The following CEMIP2 variants were observed in gnomAD, a reference collection of about 807,000 sequenced individuals.
CEMIP2 encodes the protein cell migration inducing hyaluronidase 2, also known as cell surface hyaluronidase CEMIP2.
CEMIP2 carries 79 observed loss-of-function variants against 146.9 expected under a neutral mutation model. The observed-to-expected ratio is 0.54, with a 90% confidence interval of 0.45 to 0.65. CEMIP2 has a LOEUF of 0.65. Ranked by LOEUF, CEMIP2 falls within the 30% of genes least tolerant of loss-of-function variation. The pLI is 0.00. For missense variants in CEMIP2, 1,596 were observed against 1,696.2 expected (o/e 0.94, Z 1.04); for synonymous variants, 601 against 606.3 (o/e 0.99, Z 0.13).
At chr9:71,728,354 T>G (rs2131960034) in intron 10 of CEMIP2, among the ~76,000 whole-genome samples, 1 of 132,814 alleles carries the variant, frequency 7.5e-6, no homozygotes, top group Admixed American at 7.8e-5. Flanking sequence ...TGATGGCATG[T>G]GCCTGTAGTA....
intron 19 of CEMIP2, among the ~76,000 whole-genome samples, chr9:71,700,409 T>C (rs1822525485): frequency 6.6e-6 from 1 of 152,188 alleles, no homozygotes; most frequent in Non-Finnish European, 1.5e-5. Flanking sequence ...CAAGGGATAA[T>C]TTCTTTCTCT....
At chr9:71,710,159 C>G (rs1822865840) in intron 16 of CEMIP2, among the ~76,000 whole-genome samples, 1 of 152,238 alleles carries the variant, frequency 6.6e-6, no homozygotes, top group Non-Finnish European at 1.5e-5. Context: ...ACAATTTTCA[C>G]ATCCAGTAGA....
chr9:71,745,207 C>G lies in CEMIP2; in HGVS notation c.845G>C (p.Ser282Thr). 1.2e-6 allele frequency: 2 copies of G among 1,614,158 alleles called. No homozygotes were observed. Among genetic ancestry groups the G allele is most frequent in the Non-Finnish European group, 1.7e-6 (2 of 1,180,022 alleles). Residue 282 changes from serine (S) to threonine (T), a missense_variant, in exon 4 of 24, where the codon AGT (serine) becomes ACT (threonine). Coordinates refer to ENST00000377044, the MANE Select transcript of CEMIP2 (RefSeq NM_013390.3). The part of the protein sequence containing the change: ...IDQDTAKILE[S>T]ERFDTHEYRN... The stretch of plus-strand genomic sequence containing the variant: ...GTATTCATGGGTATCAAATCTCTCA[C>G]TTTCCAAAATTTTGGCCGTGTCTTG...
chr9:71,704,840 GA>G, intron 17 of CEMIP2, 37 bp from the exon 18 acceptor site: 1 of 1,595,618 alleles, frequency 6.3e-7, no homozygotes, highest in Non-Finnish European at 8.6e-7. Flanking sequence ...GGAAGAGAAT[GA>G]AAATTTAAAC....
chr9:71,750,087 G>A lies in CEMIP2; in HGVS notation c.287C>T (p.Ala96Val), dbSNP rs1824201301. The change falls in exon 2 of 24, where the codon GCA becomes GTA. Residue 96 changes from alanine to valine, a missense_variant. Transcript: ENST00000377044. ...FAITSFSFFI[A>V]LAIILGISSK... ...GGATATTCCTAAAATGATTGCAAGT[G>A]CAATAAAAAATGAGAAACTAGTAAT... is the stretch of plus-strand genomic sequence containing the variant. 1.2e-6 allele frequency: 2 copies of A among 1,612,870 alleles called. No individual in the cohort carries two copies. The highest frequency in any genetic ancestry group is 8.5e-7 in the Non-Finnish European group (1 of 1,179,526).
intron 19 of CEMIP2, 85 bp downstream of exon 19, chr9:71,700,557 A>G (rs1178223983): frequency 2.8e-6 from 4 of 1,414,630 alleles, no homozygotes; most frequent in Non-Finnish European, 2.9e-6. Context: ...CTGCTTCACT[A>G]AACAGCCGCG....
chr9:71,754,239 A>G (rs1030019797), intron 1 of CEMIP2, among the ~76,000 whole-genome samples: 6 of 152,224 alleles, frequency 3.9e-5, no homozygotes, highest in African/African-American at 1.4e-4. Context: ...TTTAAAGAAA[A>G]TAAAATAAAT....
Position 71,750,340 on chromosome 9 carries a change from C to G in CEMIP2, c.34G>C (p.Ala12Pro), listed in dbSNP as rs764831667. The change falls in exon 2 of 24, where the codon GCT (alanine) becomes CCT (proline). Residue 12 changes from alanine to proline, a missense_variant. Physicochemically the swap from Ala to Pro is conservative, Grantham distance 27 (BLOSUM62 -1). Transcript: ENST00000377044. ...YATDSRGHSP[A>P]FLQPQNGNSR... The stretch of plus-strand genomic sequence containing the variant: ...TTTCCATTCTGAGGTTGGAGGAAAG[C>G]AGGGGAGTGTCCCCTGGAATCAGTG... The G allele has an allele frequency of 3.1e-6, 5 of 1,613,602 alleles. No homozygotes were observed. The highest frequency in any genetic ancestry group is 4.2e-6 in the Non-Finnish European group (5 of 1,179,846).
intron 22 of CEMIP2, among the ~76,000 whole-genome samples, chr9:71,688,973 T>A (rs1023064949): frequency 6.6e-6 from 1 of 152,162 alleles, no homozygotes; most frequent in Non-Finnish European, 1.5e-5. Flanking sequence ...GAAACAGCAT[T>A]ACCAGTATCT....
chr9:71,755,786 C>T (rs1161187549), intron 1 of CEMIP2, among the ~76,000 whole-genome samples: 1 of 151,210 alleles, frequency 6.6e-6, no homozygotes, highest in Non-Finnish European at 1.5e-5. Context: ...GTGAGTGAGA[C>T]CTTATCTCTA....
intron 19 of CEMIP2, among the ~76,000 whole-genome samples, chr9:71,700,258 G>A (rs777646039): frequency 2.0e-5 from 3 of 152,216 alleles, no homozygotes; most frequent in Non-Finnish European, 4.4e-5. Context: ...AGGTCAACTT[G>A]TAAGATAGCC....
At chr9:71,736,408 T>C (rs1157009007) in intron 5 of CEMIP2, among the ~76,000 whole-genome samples, 1 of 152,196 alleles carries the variant, frequency 6.6e-6, no homozygotes, top group Non-Finnish European at 1.5e-5. Flanking sequence ...CTCTGTCTTG[T>C]TTGTGGTATG....
chr9:71,715,821 T>C (rs1461886531), intron 14 of CEMIP2, among the ~76,000 whole-genome samples: 1 of 151,666 alleles, frequency 6.6e-6, no homozygotes, highest in Non-Finnish European at 1.5e-5. Context: ...AGACAGGGTC[T>C]TGCTATGTTG....
intron 1 of CEMIP2, among the ~76,000 whole-genome samples, chr9:71,756,500 TCTCTCTCA>T (rs748640976): frequency 0.067 from 9,119 of 137,058 alleles, 256 homozygotes; most frequent in African/African-American, 0.11. Flanking sequence ...TCTCTCTCTC[TCTCTCTCA>T]CACACACACA....
Position 71,730,127 on chromosome 9 carries a change from C to T in CEMIP2, c.1900G>A (p.Asp634Asn). ...LTKPGTLLPT[D>N]RNNSMCTTMR... is the part of the protein sequence containing the mutation. ...GTGGTACACATGGAGTTGTTCCTAT[C>T]GGTGGGCAGGAGAGTACCCGGCTTG... The change falls in exon 9 of 24, where the codon GAT becomes AAT. Residue 634 changes from aspartate to asparagine, a missense_variant. Asp to Asn is a conservative substitution (Grantham distance 23). Coordinates refer to ENST00000377044, the MANE Select transcript of CEMIP2 (RefSeq NM_013390.3). The T allele has an allele frequency of 2.5e-6, 4 of 1,614,108 alleles. No individual in the cohort carries two copies. The highest frequency in any genetic ancestry group is 2.5e-6 in the Non-Finnish European group (3 of 1,180,036).
intron 1 of CEMIP2, among the ~76,000 whole-genome samples, chr9:71,753,103 C>A (rs1227240098): frequency 2.6e-5 from 4 of 152,158 alleles, no homozygotes; most frequent in African/African-American, 7.2e-5. Flanking sequence ...CGTTATGATC[C>A]TCTCTGAACA....
At chr9:71,731,259 GATAA>G (rs1223169966) in intron 7 of CEMIP2, among the ~76,000 whole-genome samples, 1 of 152,208 alleles carries the variant, frequency 6.6e-6, no homozygotes, top group Non-Finnish European at 1.5e-5. Flanking sequence ...ATCAGAGTCT[GATAA>G]ATAGTTATTT....
At chr9:71,690,055 G>C in intron 22 of CEMIP2, 37 bp downstream of exon 22, 1 of 1,606,108 alleles carries the variant, frequency 6.2e-7, no homozygotes. Context: ...ACATCTTTAA[G>C]GTGGCTTTTC....
At chr9:71,762,544 A>G (rs1296572398) in intron 1 of CEMIP2, among the ~76,000 whole-genome samples, 2 of 150,910 alleles carry the variant, frequency 1.3e-5, no homozygotes, top group Non-Finnish European at 3.0e-5. Context: ...GCAGCAGCAT[A>G]ACAGGCAAAC....
Sources: allele counts gnomAD v4.1 joint callset (sites outside exome capture counted in the v4.1 genomes callset), GRCh38; gene constraint gnomAD v4.1.1; transcripts MANE v1.5; gene names NCBI Gene and HGNC (gene_info 2026-07-23, HGNC 2026-07-21).